TAFA1: variants seen among roughly 807,000 people sequenced by gnomAD.
TAFA1 encodes the protein chemokine-like protein TAFA-1.
In TAFA1, 4 loss-of-function variants were observed where a neutral mutation model predicts 18.5. The ratio of observed to expected loss-of-function variants is 0.22; its 90% CI spans 0.11 to 0.49. The LOEUF (loss-of-function observed/expected upper bound fraction) is 0.49. Ranked by LOEUF, TAFA1 falls within the 20% of genes least tolerant of loss-of-function variation. The probability of loss-of-function intolerance (pLI) is 0.98; values close to 1 mark genes in which losing one functional copy is unlikely to be tolerated. For synonymous variants in TAFA1, 56 were observed against 55.2 expected, an observed-to-expected ratio of 1.01 and a Z score of -0.06; for missense variants, 147 against 169.0, an observed-to-expected ratio of 0.87 and a Z score of 0.72.
chr3:68,206,525 C>T (rs1485737348), intron 2 of TAFA1, among the ~76,000 whole-genome samples: 2 of 151,708 alleles, frequency 1.3e-5, no homozygotes, highest in Non-Finnish European at 2.9e-5. Flanking sequence ...ATTTAAACGG[C>T]TTAAGTAAAA....
intron 2 of TAFA1, among the ~76,000 whole-genome samples, chr3:68,016,991 G>A (rs1418483705): frequency 6.6e-6 from 1 of 152,180 alleles, no homozygotes; most frequent in Non-Finnish European, 1.5e-5. Context: ...TTCAACTACT[G>A]AGTGTGCTGT....
At chr3:68,118,496 C>A (rs2065349677) in intron 2 of TAFA1, among the ~76,000 whole-genome samples, 1 of 152,128 alleles carries the variant, frequency 6.6e-6, no homozygotes, top group South Asian at 2.1e-4. Context: ...GGGTTAGGGA[C>A]CCCTGCTCTA....
intron 3 of TAFA1, among the ~76,000 whole-genome samples, chr3:68,475,633 T>A (rs2072078634): frequency 6.6e-6 from 1 of 152,222 alleles, no homozygotes; most frequent in East Asian, 1.9e-4. Context: ...TGTGCATGTG[T>A]CTTTATAGCA....
intron 2 of TAFA1, among the ~76,000 whole-genome samples, chr3:68,252,322 A>T (rs2067212317): frequency 6.6e-6 from 1 of 152,150 alleles, no homozygotes. Context: ...ACTAGCCTAC[A>T]TGTTCAATTT....
At chr3:68,390,502 C>T (rs2070211762) in intron 2 of TAFA1, among the ~76,000 whole-genome samples, 1 of 152,198 alleles carries the variant, frequency 6.6e-6, no homozygotes, top group East Asian at 1.9e-4. Flanking sequence ...CACTTGAGCT[C>T]TGCTAAGGGA....
At position 68,457,455 on chromosome 3, in the gene TAFA1, CAT is replaced by C. The variant is rs143683498; in HGVS notation, c.259+40036_259+40037del. ...CATCTGCTAGTTTTTCAAATTGTCA[CAT>C]GTCTAAAAAATTGTTTTGAATACAT... is the stretch of plus-strand genomic sequence containing the variant. On this transcript the variant is annotated intron_variant, in intron 3 of 4. Coordinates refer to ENST00000478136, the MANE Select transcript of TAFA1 (RefSeq NM_213609.4). Among the ~76,000 whole-genome samples the C allele has an allele frequency of 3.0e-3, 453 of 152,272 alleles. 4 individuals carry two copies. Among genetic ancestry groups the C allele is most frequent in the African/African-American group, 9.7e-3 (404 of 41,568 alleles).
intron 2 of TAFA1, among the ~76,000 whole-genome samples, chr3:68,265,513 A>G (rs541228705): frequency 3.2e-4 from 48 of 152,250 alleles, no homozygotes; most frequent in Non-Finnish European, 1.3e-4. Flanking sequence ...CCTGGTGGGA[A>G]TTTCTATGAA....
intron 2 of TAFA1, among the ~76,000 whole-genome samples, chr3:68,271,277 C>G (rs1458396230): frequency 1.3e-5 from 2 of 152,050 alleles, no homozygotes; most frequent in African/African-American, 4.8e-5. Context: ...ACAAAACACC[C>G]AACTCCTGCT....
At chr3:68,344,298 G>A (rs562583510) in intron 2 of TAFA1, among the ~76,000 whole-genome samples, 1 of 152,230 alleles carries the variant, frequency 6.6e-6, no homozygotes, top group East Asian at 1.9e-4. Context: ...TAAGTGTTTT[G>A]GGGGCCTACT....
chr3:68,540,023 G>A (rs979403443), intron 4 of TAFA1, among the ~76,000 whole-genome samples: 2 of 152,030 alleles, frequency 1.3e-5, no homozygotes, highest in East Asian at 3.9e-4. Flanking sequence ...GGATGTCTCT[G>A]TTTCCCACCC....
At chr3:68,083,139 A>G (rs1355948341) in intron 2 of TAFA1, among the ~76,000 whole-genome samples, 1 of 152,190 alleles carries the variant, frequency 6.6e-6, no homozygotes, top group Non-Finnish European at 1.5e-5. Context: ...TGTGAAGGCT[A>G]GGTCTTATGT....
At chr3:68,118,920 T>C (rs2065354802) in intron 2 of TAFA1, among the ~76,000 whole-genome samples, 1 of 152,196 alleles carries the variant, frequency 6.6e-6, no homozygotes, top group Admixed American at 6.5e-5. Flanking sequence ...ATATGGTAAT[T>C]CTATTTTTAA....
At chr3:68,252,533 G>A (rs1461936489) in intron 2 of TAFA1, among the ~76,000 whole-genome samples, 8 of 152,170 alleles carry the variant, frequency 5.3e-5, no homozygotes, top group Admixed American at 5.2e-4. Flanking sequence ...GAGCTCTCCA[G>A]TTCTCCACAG....
chr3:68,385,237 T>A (rs2070068501), intron 2 of TAFA1, among the ~76,000 whole-genome samples: 2 of 152,136 alleles, frequency 1.3e-5, no homozygotes, highest in Admixed American at 1.3e-4. Context: ...TGGAAAGAAC[T>A]GTTTTCAAGT....
intron 2 of TAFA1, among the ~76,000 whole-genome samples, chr3:68,321,863 T>C (rs2068701477): frequency 6.6e-6 from 1 of 152,232 alleles, no homozygotes; most frequent in Admixed American, 6.5e-5. Context: ...CAAGGTTTCC[T>C]GAAAAGGCCC....
chr3:68,028,981 G>C (rs1704875811), intron 2 of TAFA1, among the ~76,000 whole-genome samples: 1 of 151,916 alleles, frequency 6.6e-6, no homozygotes, highest in Non-Finnish European at 1.5e-5. Context: ...TCGAACTCCT[G>C]AGCTGAAGCT....
At chr3:68,223,965 AT>A (rs2066764500) in intron 2 of TAFA1, among the ~76,000 whole-genome samples, 1 of 150,058 alleles carries the variant, frequency 6.7e-6, no homozygotes, top group South Asian at 2.1e-4. Context: ...CTTAATCCAG[AT>A]TTTTTGTTTA....
chr3:68,278,299 A>G (rs1276787953), intron 2 of TAFA1, among the ~76,000 whole-genome samples: 3 of 152,152 alleles, frequency 2.0e-5, no homozygotes, highest in Non-Finnish European at 2.9e-5. Flanking sequence ...CTGTTTATAT[A>G]AAGAATTTCA....
chr3:68,446,117 G>A (rs1424042671), intron 3 of TAFA1, among the ~76,000 whole-genome samples: 1 of 151,934 alleles, frequency 6.6e-6, no homozygotes, highest in Non-Finnish European at 1.5e-5. Context: ...ATGTTGCTCA[G>A]GCTGTTCTCA....
Sources: allele counts gnomAD v4.1 joint callset (sites outside exome capture counted in the v4.1 genomes callset), GRCh38; gene constraint gnomAD v4.1.1; transcripts MANE v1.5; gene names NCBI Gene and HGNC (gene_info 2026-07-23, HGNC 2026-07-21).